AFF3: variants seen among roughly 807,000 people sequenced by gnomAD.
The protein encoded by AFF3 is AF4/FMR2 family member 3.
AFF3 carries 32 observed loss-of-function variants against 129.7 expected under a neutral mutation model. The ratio of observed to expected loss-of-function variants is 0.25; its 90% CI spans 0.19 to 0.33. AFF3 has a LOEUF of 0.33. AFF3 is among the 10% of genes least tolerant of loss of function. The probability of loss-of-function intolerance (pLI) is 1.00; values close to 1 mark genes in which losing one functional copy is unlikely to be tolerated. For missense variants in AFF3, 1,373 were observed against 1,592.0 expected (o/e 0.86, Z 2.34); for synonymous variants, 644 against 635.4 (o/e 1.01, Z -0.20).
intron 7 of AFF3, among the ~76,000 whole-genome samples, chr2:99,933,851 C>A (rs559972636): frequency 6.6e-6 from 1 of 152,102 alleles, no homozygotes; most frequent in African/African-American, 2.4e-5. Flanking sequence ...GACTTGACAT[C>A]TGGTAGAACA....
chr2:99,713,419 C>A (rs996949751), intron 11 of AFF3, among the ~76,000 whole-genome samples: 1 of 151,744 alleles, frequency 6.6e-6, no homozygotes, highest in Admixed American at 6.6e-5. Context: ...CAGGCACGTG[C>A]CACCACGCTC....
At chr2:99,701,411 T>C (rs1676851762) in intron 11 of AFF3, among the ~76,000 whole-genome samples, 1 of 152,234 alleles carries the variant, frequency 6.6e-6, no homozygotes, top group African/African-American at 2.4e-5. Context: ...AGGTATGCTG[T>C]TTATTAGACA....
chr2:99,940,366 A>T (rs1674914497), intron 7 of AFF3, among the ~76,000 whole-genome samples: 1 of 152,162 alleles, frequency 6.6e-6, no homozygotes, highest in Admixed American at 6.5e-5. Flanking sequence ...TGAGGCTGAA[A>T]CCTACTGGGC....
At chr2:99,878,073 A>G (rs1372494038) in intron 7 of AFF3, among the ~76,000 whole-genome samples, 1 of 152,190 alleles carries the variant, frequency 6.6e-6, no homozygotes, top group Admixed American at 6.5e-5. Context: ...GAAACACCTA[A>G]CAGTTAAGTC....
chr2:99,955,908 C>CGTTT (rs1340045654), intron 7 of AFF3, among the ~76,000 whole-genome samples: 35 of 152,226 alleles, frequency 2.3e-4, no homozygotes, highest in South Asian at 6.2e-4. Context: ...TAAACATAAA[C>CGTTT]TTCTTTACAC....
chr2:99,686,723 C>T (rs1675099149), intron 11 of AFF3, among the ~76,000 whole-genome samples: 1 of 152,196 alleles, frequency 6.6e-6, no homozygotes, highest in Non-Finnish European at 1.5e-5. Context: ...ATTTTTCCTT[C>T]GTCTAATCTT....
intron 11 of AFF3, among the ~76,000 whole-genome samples, chr2:99,698,369 C>T (rs2104748933): frequency 6.6e-6 from 1 of 152,288 alleles, no homozygotes; most frequent in East Asian, 1.9e-4. Context: ...ATGCCTTAGG[C>T]TGTCCAGCAT....
At chr2:99,667,681 G>C (rs746800951) in intron 12 of AFF3, among the ~76,000 whole-genome samples, 2 of 152,144 alleles carry the variant, frequency 1.3e-5, no homozygotes, top group Non-Finnish European at 2.9e-5. Flanking sequence ...TATAGATCTT[G>C]CAGTCATCAA....
chr2:100,037,763 TAATA>T (rs941965356), intron 4 of AFF3, among the ~76,000 whole-genome samples: 16 of 133,784 alleles, frequency 1.2e-4, no homozygotes, highest in African/African-American at 2.8e-4. Context: ...TTATTAAATA[TAATA>T]AATATATTTA....
chr2:99,551,614 T>C lies in AFF3; in HGVS notation c.3560-19A>G. 6.2e-7 allele frequency: 1 copy of C among 1,612,834 alleles called. No homozygotes were observed. The highest frequency in any genetic ancestry group is 8.5e-7 in the Non-Finnish European group (1 of 1,179,602). Reference sequence around the variant, plus strand: ...AAGAATTCTAGGGGGACAGAAAGAGTTGTTAAGAATGCCACACATGCTAGG... The same window carrying C: ...AAGAATTCTAGGGGGACAGAAAGAGCTGTTAAGAATGCCACACATGCTAGG... On this transcript the variant is annotated intron_variant, in intron 24 of 24. Transcript: ENST00000672756.
intron 7 of AFF3, chr2:100,006,400 T>A: frequency 4.0e-6 from 2 of 494,958 alleles, no homozygotes; most frequent in Admixed American, 3.7e-5. Context: ...AACTAATACA[T>A]ACACACACAA....
chr2:99,743,213 C>A (rs1680864213), intron 10 of AFF3, among the ~76,000 whole-genome samples: 1 of 152,230 alleles, frequency 6.6e-6, no homozygotes, highest in African/African-American at 2.4e-5. Context: ...CCATCACCCC[C>A]TCCACCGGCC....
At chr2:99,597,519 TCTC>T (rs1481226705) in intron 14 of AFF3, among the ~76,000 whole-genome samples, 1 of 152,218 alleles carries the variant, frequency 6.6e-6, no homozygotes, top group Non-Finnish European at 1.5e-5. Context: ...TTGCCACATC[TCTC>T]CTCCTAATAA....
In AFF3 at chr2:100,001,187, G is replaced by C. The variant is rs977528995; in HGVS notation, c.873+5445C>G. 2.0e-5 allele frequency among the ~76,000 whole-genome samples: 3 copies of C among 152,264 alleles called. No homozygotes were observed. The East Asian group carries it at 5.8e-4, about 29-fold the overall frequency. ...TGGGCTTGCTAATAATCTCCCTCCA[G>C]GTCCCACCCTCCACGCTTTCTGGTC... is the stretch of plus-strand genomic sequence containing the variant. On this transcript the variant is annotated intron_variant, in intron 7 of 24. Transcript: ENST00000672756.
chr2:99,935,800 C>T (rs961849029), intron 7 of AFF3, among the ~76,000 whole-genome samples: 2 of 152,222 alleles, frequency 1.3e-5, no homozygotes, highest in African/African-American at 4.8e-5. Flanking sequence ...TGGGCATCCC[C>T]TCACAATTTG....
At chr2:100,081,353 C>T (rs1210057451) in intron 4 of AFF3, among the ~76,000 whole-genome samples, 4 of 151,698 alleles carry the variant, frequency 2.6e-5, no homozygotes, top group Admixed American at 6.6e-5. Flanking sequence ...TCTAAAAGCA[C>T]CTCTCTCTCC....
At position 99,551,464 on chromosome 2, in the gene AFF3, G is replaced by A; in HGVS notation, c.*10C>T. ...AGACCAGAGCCCACTCTGGCCCCAG[G>A]GTGAGGTCCCTATGACAGGTGGGCG... is the stretch of plus-strand genomic sequence containing the variant. On this transcript the variant is annotated 3_prime_UTR_variant, in exon 25 of 25. Transcript: ENST00000672756. 1 of 1,613,954 alleles carries A rather than the reference G, an allele frequency of 6.2e-7. No individual in the cohort carries two copies. Among genetic ancestry groups the A allele is most frequent in the South Asian group, 1.1e-5 (1 of 91,052 alleles).
chr2:100,005,268 T>A (rs1573081050), intron 7 of AFF3, among the ~76,000 whole-genome samples: 1 of 152,244 alleles, frequency 6.6e-6, no homozygotes, highest in African/African-American at 2.4e-5. Context: ...TAGAGTTTTA[T>A]GAACTCACTG....
At chr2:99,621,039 T>A (rs1200062004) in intron 13 of AFF3, among the ~76,000 whole-genome samples, 1 of 152,242 alleles carries the variant, frequency 6.6e-6, no homozygotes, top group Non-Finnish European at 1.5e-5. Context: ...GGTATTCCTT[T>A]ACAGCAATGC....
Sources: allele counts gnomAD v4.1 joint callset (sites outside exome capture counted in the v4.1 genomes callset), GRCh38; gene constraint gnomAD v4.1.1; transcripts MANE v1.5; gene names NCBI Gene and HGNC (gene_info 2026-07-23, HGNC 2026-07-21).